The following ACP6 variants were observed in gnomAD, a reference collection of about 807,000 sequenced individuals.
ACP6 encodes the protein lysophosphatidic acid phosphatase type 6.
Under a neutral mutation model 48.1 loss-of-function variants are expected in ACP6, and 48 were observed. The ratio of observed to expected loss-of-function variants is 1.00; its 90% confidence interval spans 0.79 to 1.27. The LOEUF is 1.27. Ranked by LOEUF, ACP6 falls within the 50% of genes most tolerant of loss-of-function variation. ACP6 has a pLI of 0.00. For missense variants in ACP6, 485 were observed against 529.1 expected, an observed-to-expected ratio of 0.92 and a Z score of 0.82; for synonymous variants, 172 against 204.2, an observed-to-expected ratio of 0.84 and a Z score of 1.34.
In ACP6 at chr1:147,650,200, A is replaced by T. The variant is rs782101381; in HGVS notation, c.920T>A (p.Ile307Asn). 1.7e-5 allele frequency: 27 copies of T among 1,605,916 alleles called. No individual in the cohort carries two copies. The highest frequency in any genetic ancestry group is 2.2e-5 in the Non-Finnish European group (26 of 1,176,750). The change falls in exon 8 of 10, where the codon ATC becomes AAC. Residue 307 changes from isoleucine to asparagine, a missense_variant. Ile to Asn is a moderately radical substitution (Grantham distance 149). Transcript: ENST00000583509. ...LQMAVGPFLH[I>N]LESNLLKAMD... Reference sequence around the variant, plus strand: ...GGCTTTCAGCAGGTTGCTCTCTAGGATGTGGAGGAATGGGCCTACTGCCAT... The same window carrying T: ...GGCTTTCAGCAGGTTGCTCTCTAGGTTGTGGAGGAATGGGCCTACTGCCAT...
rs1553209601 is a variant in ACP6, at chr1:147,647,345, T to C, written c.*78A>G. On this transcript the variant is annotated 3_prime_UTR_variant, in exon 10 of 10. Transcript: ENST00000583509. ...TACATTACCCCTTGCTCTCTCCTCTTCCCAAACACACAAAGCAGGAGGCAT... is the reference window on the plus strand; with the variant it reads ...TACATTACCCCTTGCTCTCTCCTCTCCCCAAACACACAAAGCAGGAGGCAT... 6.5e-7 allele frequency: 1 copy of C among 1,535,524 alleles called. No homozygotes were observed. The highest frequency in any genetic ancestry group is 8.9e-7 in the Non-Finnish European group (1 of 1,125,014).
chr1:147,641,130 G>A (rs587673663), downstream of ACP6, among the ~76,000 whole-genome samples: 2 of 152,264 alleles, frequency 1.3e-5, no homozygotes, highest in East Asian at 3.9e-4. Context: ...TCCTCTGCAG[G>A]TAGATGGCGG....
intron 7 of ACP6, 125 bp downstream of exon 7, chr1:147,652,324 G>C: frequency 1.0e-6 from 1 of 973,212 alleles, no homozygotes; most frequent in South Asian, 1.7e-5. Flanking sequence ...GCAGAATGGG[G>C]TTCAGCCTCC....
intron 8 of ACP6, 52 bp from the exon 9 acceptor site, chr1:147,648,463 C>A: frequency 6.2e-7 from 1 of 1,600,498 alleles, no homozygotes. Context: ...CTCTGAAGGT[C>A]AGGATGTGGC....
intron 4 of ACP6, among the ~76,000 whole-genome samples, chr1:147,657,220 A>G (rs1260565171): frequency 6.6e-6 from 1 of 152,230 alleles, no homozygotes; most frequent in Non-Finnish European, 1.5e-5. Flanking sequence ...AGTTTATGAT[A>G]AATAAGGCAC....
chr1:147,631,709 G>C (rs922211847), intron 5 of ACP6, among the ~76,000 whole-genome samples: 1 of 152,088 alleles, frequency 6.6e-6, no homozygotes, highest in African/African-American at 2.4e-5. Flanking sequence ...AGCTACTCAG[G>C]AGGCTAAGGC....
chr1:147,650,374 G>A (rs587767284), intron 7 of ACP6, 136 bp from the exon 8 acceptor site: 4 of 573,742 alleles, frequency 7.0e-6, no homozygotes, highest in East Asian at 6.7e-5. Flanking sequence ...GGCCAGCAAC[G>A]GGCCAGAAGG....
chr1:147,657,274 G>A (rs141282605), intron 4 of ACP6, among the ~76,000 whole-genome samples: 1,527 of 152,264 alleles, frequency 0.01, 25 homozygotes, highest in African/African-American at 0.035. Context: ...CTTGGCCAGT[G>A]GGCAGACCAA....
At chr1:147,659,195 CCT>C in intron 3 of ACP6, 156 bp from the exon 4 acceptor site, 1 of 1,045,436 alleles carries the variant, frequency 9.6e-7, no homozygotes, top group Non-Finnish European at 1.4e-6. Context: ...GATGTCAGCC[CCT>C]GAGAGACTCG....
chr1:147,653,757 A>G (rs1165022291), intron 6 of ACP6, among the ~76,000 whole-genome samples: 3 of 152,226 alleles, frequency 2.0e-5, no homozygotes, highest in African/African-American at 7.2e-5. Flanking sequence ...CTATGGCTAA[A>G]TAAGCTTAAG....
chr1:147,631,943 G>C (rs1382662840), intron 5 of ACP6, among the ~76,000 whole-genome samples: 1 of 152,046 alleles, frequency 6.6e-6, no homozygotes, highest in Non-Finnish European at 1.5e-5. Context: ...AGGCCCCAGC[G>C]CCTCTCCAGT....
chr1:147,666,945 A>G (rs1660828593), intron 1 of ACP6, among the ~76,000 whole-genome samples: 1 of 152,192 alleles, frequency 6.6e-6, no homozygotes, highest in African/African-American at 2.4e-5. Context: ...TGTCTTAATC[A>G]ACAGTGAAGC....
chr1:147,659,034 C>T lies in ACP6; in HGVS notation c.485G>A (p.Arg162His), dbSNP rs201459879. The T allele has an allele frequency of 4.5e-5, 73 of 1,607,352 alleles. No homozygotes were observed. The highest frequency in any genetic ancestry group is 4.4e-5 in the South Asian group (4 of 90,094). ...CAGATTCCGAAAAATGTTAGTGGAA[C>T]GAATACTGAAAAAAATGAGAAAATA... The part of the protein sequence containing the change: ...PTFNPQEVFI[R>H]STNIFRNLES... Residue 162 changes from arginine (R) to histidine (H), a missense_variant, in exon 4 of 10, where the codon CGT becomes CAT. Coordinates refer to ENST00000583509, the MANE Select transcript of ACP6 (RefSeq NM_016361.5).
chr1:147,669,886 C>G lies in ACP6; in HGVS notation c.163G>C (p.Val55Leu). ...RSLLKLKMVQ[V>L]VFRHGARSPL... The stretch of plus-strand genomic sequence containing the variant: ...CTCCGAGCCCCGTGTCGAAACACGA[C>G]CTGCACCATTTTCAACTTCAGCAGG... Residue 55 changes from valine (V) to leucine (L), a missense_variant, in exon 1 of 10, where the codon GTC becomes CTC. Coordinates refer to ENST00000583509, the MANE Select transcript of ACP6 (RefSeq NM_016361.5). The G allele has an allele frequency of 1.9e-6, 3 of 1,602,924 alleles. No homozygotes were observed. The highest frequency in any genetic ancestry group is 2.6e-6 in the Non-Finnish European group (3 of 1,175,880).
chr1:147,647,586 C>T lies in ACP6; in HGVS notation c.1144-20G>A, dbSNP rs1553209679. On this transcript the variant is annotated intron_variant, in intron 9 of 9. Transcript: ENST00000583509. ...CTGCTCCTGCAGAAGAAACATAACT[C>T]AGCAGGTCCGCCGAGGAACCTGTCC... 6.2e-7 allele frequency: 1 copy of T among 1,608,128 alleles called. No homozygotes were observed. Among genetic ancestry groups the T allele is most frequent in the Admixed American group, 1.7e-5 (1 of 59,752 alleles).
chr1:147,647,707 C>T (rs923912699), intron 9 of ACP6, 141 bp from the exon 10 acceptor site: 25 of 1,085,824 alleles, frequency 2.3e-5, no homozygotes, highest in Admixed American at 6.0e-5. Context: ...CCCCACTACC[C>T]GGTGAGCTTC....
At chr1:147,650,028 T>A (rs1035861376) in intron 8 of ACP6, 115 bp downstream of exon 8, 16 of 814,782 alleles carry the variant, frequency 2.0e-5, no homozygotes, top group African/African-American at 3.6e-5. Context: ...GTTAAACATC[T>A]ACCTTCGGTC....
At chr1:147,634,985 G>C (rs1028079899) in intron 5 of ACP6, among the ~76,000 whole-genome samples, 31 of 152,306 alleles carry the variant, frequency 2.0e-4, no homozygotes, top group Admixed American at 6.5e-4. Context: ...GTTCAGCCAA[G>C]TACTAATAAT....
chr1:147,654,159 G>A, intron 6 of ACP6, 35 bp downstream of exon 6: 2 of 1,606,906 alleles, frequency 1.2e-6, no homozygotes, highest in African/African-American at 1.3e-5. Flanking sequence ...GCCCACCAAG[G>A]CTATTATCCC....
Sources: allele counts gnomAD v4.1 joint callset (sites outside exome capture counted in the v4.1 genomes callset), GRCh38; gene constraint gnomAD v4.1.1; transcripts MANE v1.5; gene names NCBI Gene and HGNC (gene_info 2026-07-23, HGNC 2026-07-21).